Variants in EBF2 observed in about 807,000 individuals in gnomAD.
EBF2 encodes the protein transcription factor COE2.
Under a neutral mutation model 72.8 loss-of-function variants are expected in EBF2, and 21 were observed. That is an observed-to-expected ratio of 0.29 (90% CI 0.20 to 0.42). The LOEUF (loss-of-function observed/expected upper bound fraction) is 0.42. Among genes scored for constraint, EBF2 ranks in the 10% least tolerant of loss-of-function variants. The pLI, the probability that EBF2 is intolerant of heterozygous loss-of-function variation, is 1.00. For synonymous variants in EBF2, 299 were observed against 274.2 expected (o/e 1.09, Z -0.89); for missense variants, 637 against 731.2 (o/e 0.87, Z 1.49).
Position 25,844,358 on chromosome 8 carries a change from A to C in EBF2, c.*251T>G. The C allele has an allele frequency of 2.6e-6, 1 of 383,332 alleles. No individual in the cohort carries two copies. Among genetic ancestry groups the C allele is most frequent in the Admixed American group, 4.2e-5 (1 of 23,988 alleles). The allele number at this position is 383,332 out of a possible 1,614,324, so 23.7% of individuals were successfully genotyped here. On this transcript the variant is annotated 3_prime_UTR_variant, in exon 16 of 16. Coordinates refer to ENST00000520164, the MANE Select transcript of EBF2 (RefSeq NM_022659.4). ...CATAATGTTCATAACAAAGAATTGC[A>C]TTTCTGCTCTTAGCACTGACTACGT...
intron 6 of EBF2, among the ~76,000 whole-genome samples, chr8:26,026,433 G>A (rs1298337011): frequency 6.6e-6 from 1 of 152,164 alleles, no homozygotes; most frequent in African/African-American, 2.4e-5. Flanking sequence ...TTGACAAATA[G>A]GGGAACTGAG....
chr8:25,966,247 T>C (rs547300199), intron 6 of EBF2, among the ~76,000 whole-genome samples: 61 of 152,338 alleles, frequency 4.0e-4, no homozygotes, highest in African/African-American at 1.3e-3. Flanking sequence ...TTGGAGATTT[T>C]GATTCATTCA....
At chr8:25,852,586 C>T (rs531362186) in intron 14 of EBF2, among the ~76,000 whole-genome samples, 52 of 152,188 alleles carry the variant, frequency 3.4e-4, no homozygotes, top group East Asian at 1.2e-3. Context: ...CAGATTTCAA[C>T]GGAAAGCAGG....
At chr8:25,879,501 G>GACACCT (rs1447925600) in intron 10 of EBF2, among the ~76,000 whole-genome samples, 1 of 152,034 alleles carries the variant, frequency 6.6e-6, no homozygotes, top group Non-Finnish European at 1.5e-5. Context: ...AGATAGTTAT[G>GACACCT]ACACCTACCC....
chr8:25,876,383 T>C (rs931773319), intron 10 of EBF2, among the ~76,000 whole-genome samples: 2 of 152,050 alleles, frequency 1.3e-5, no homozygotes, highest in African/African-American at 4.8e-5. Context: ...GTAACAAATC[T>C]GCACGTCCTG....
intron 6 of EBF2, among the ~76,000 whole-genome samples, chr8:25,995,751 A>G (rs934993465): frequency 1.3e-5 from 2 of 152,128 alleles, no homozygotes; most frequent in Admixed American, 6.5e-5. Flanking sequence ...TCACAAAACT[A>G]ATAGTAGGCG....
intron 10 of EBF2, among the ~76,000 whole-genome samples, chr8:25,863,855 A>G (rs1802254786): frequency 6.6e-6 from 1 of 152,160 alleles, no homozygotes; most frequent in Non-Finnish European, 1.5e-5. Flanking sequence ...ACCTATACAC[A>G]TACTTAAAAT....
intron 10 of EBF2, among the ~76,000 whole-genome samples, chr8:25,877,536 T>C (rs970511232): frequency 6.6e-6 from 1 of 152,152 alleles, no homozygotes; most frequent in African/African-American, 2.4e-5. Flanking sequence ...CCGATGTTGT[T>C]TGTGCTGTGG....
chr8:25,845,457 C>T (rs1801813474), intron 15 of EBF2, among the ~76,000 whole-genome samples: 2 of 152,290 alleles, frequency 1.3e-5, no homozygotes, highest in Non-Finnish European at 2.9e-5. Flanking sequence ...AACTCCTGGC[C>T]TCAGGTGATC....
Position 25,889,753 on chromosome 8 carries a change from T to C in EBF2, c.750A>G (p.Glu250=). 6.2e-7 allele frequency: 1 copy of C among 1,613,288 alleles called. No homozygotes were observed. The highest frequency in any genetic ancestry group is 8.5e-7 in the Non-Finnish European group (1 of 1,179,248). Residue 250 remains glutamate, a splice_region_variant and synonymous_variant, in exon 8 of 16, where the codon GAA becomes GAG. Transcript: ENST00000520164. The stretch of plus-strand genomic sequence containing the variant: ...TATGCTGAGCGCAGGCAGCCCTACC[T>C]TCCGATGGATCGAGTCTTCTTGCTC... ...GRRARRLDPS[E]ATPCIKAISP...
chr8:25,870,173 A>G (rs980356566), intron 10 of EBF2, among the ~76,000 whole-genome samples: 2 of 152,172 alleles, frequency 1.3e-5, no homozygotes, highest in African/African-American at 4.8e-5. Context: ...CAACTAGCAA[A>G]CACAAACAGC....
intron 6 of EBF2, among the ~76,000 whole-genome samples, chr8:25,931,551 T>G (rs1803480684): frequency 6.6e-6 from 1 of 152,204 alleles, no homozygotes; most frequent in Non-Finnish European, 1.5e-5. Context: ...ACAAAAAGAA[T>G]AAAATTTGTC....
At chr8:25,975,418 C>T (rs1199268562) in intron 6 of EBF2, among the ~76,000 whole-genome samples, 3 of 152,100 alleles carry the variant, frequency 2.0e-5, no homozygotes, top group Non-Finnish European at 4.4e-5. Flanking sequence ...CCTTTCTTAT[C>T]ACTTCTTCAG....
intron 13 of EBF2, among the ~76,000 whole-genome samples, chr8:25,860,146 G>A (rs1802186281): frequency 6.6e-6 from 1 of 152,128 alleles, no homozygotes; most frequent in Non-Finnish European, 1.5e-5. Flanking sequence ...TTTTAAAAAT[G>A]ATTCGTGACA....
At position 25,858,397 on chromosome 8, in the gene EBF2, T is replaced by C; in HGVS notation, c.1450A>G (p.Asn484Asp). 3.1e-6 allele frequency: 5 copies of C among 1,614,182 alleles called. No homozygotes were observed. The highest frequency in any genetic ancestry group is 4.2e-6 in the Non-Finnish European group (5 of 1,180,030). Residue 484 changes from asparagine (N) to aspartate (D), a missense_variant, in exon 14 of 16, where the codon AAT becomes GAT. Coordinates refer to ENST00000520164, the MANE Select transcript of EBF2 (RefSeq NM_022659.4). ...ACACCCAAGTTGGCCATGGGGACAT[T>C]GCTGTAGCCATTCATACTGTTGCTG... ...TSSNSMNGYS[N>D]VPMANLGVPG...
intron 6 of EBF2, among the ~76,000 whole-genome samples, chr8:26,005,474 AT>A (rs1255259247): frequency 6.9e-5 from 1 of 14,570 alleles, no homozygotes; most frequent in Non-Finnish European, 1.0e-4. Context: ...AAAATATAAT[AT>A]TATTTATAAA....
rs1374328910 is a variant in EBF2, at chr8:25,908,674, C to T, written c.552-119G>A. Reference sequence around the variant, plus strand: ...CTATTTCAGATCTGGGGAATTTCAACCTGCCCTGCCTGTGAAGGAACACTG... The same window carrying T: ...CTATTTCAGATCTGGGGAATTTCAATCTGCCCTGCCTGTGAAGGAACACTG... On this transcript the variant is annotated intron_variant, in intron 6 of 15. Coordinates refer to ENST00000520164, the MANE Select transcript of EBF2 (RefSeq NM_022659.4). 7.0e-6 allele frequency: 5 copies of T among 709,440 alleles called. No homozygotes were observed. The Admixed American group carries it at 1.2e-4, about 18-fold the overall frequency. 43.9% of individuals were successfully genotyped at this position (709,440 alleles called of 1,614,324 possible).
chr8:25,862,846 A>AGG (rs1802234689), intron 10 of EBF2, 49 bp from the exon 11 acceptor site: 13 of 1,392,844 alleles, frequency 9.3e-6, no homozygotes, highest in Non-Finnish European at 1.3e-5. Flanking sequence ...GCTATAAAGC[A>AGG]AACCTTCTAA....
chr8:25,882,745 G>A (rs1055676148), intron 10 of EBF2, among the ~76,000 whole-genome samples: 2 of 152,192 alleles, frequency 1.3e-5, no homozygotes, highest in Non-Finnish European at 2.9e-5. Flanking sequence ...CACACTATGA[G>A]TCCAGGTATC....
Sources: gnomAD v4.1 joint callset for allele counts (sites outside exome capture counted in the v4.1 genomes callset) on GRCh38, gnomAD v4.1.1 for gene constraint, MANE v1.5 for transcripts, NCBI Gene and HGNC (gene_info 2026-07-23, HGNC 2026-07-21) for gene names.